IL5RA: variants seen among roughly 807,000 people sequenced by gnomAD.
IL5RA encodes interleukin 5 receptor subunit alpha.
IL5RA carries 49 observed loss-of-function variants against 50.0 expected under a neutral mutation model. That is an observed-to-expected ratio of 0.98 (90% CI 0.78 to 1.24). The LOEUF (loss-of-function observed/expected upper bound fraction) is 1.24. Ranked by LOEUF, IL5RA falls within the 50% of genes most tolerant of loss-of-function variation. The pLI, the probability that IL5RA is intolerant of heterozygous loss-of-function variation, is 0.00. For missense variants in IL5RA, 600 were observed against 500.4 expected (o/e 1.20, Z -1.90); for synonymous variants, 202 against 174.0 (o/e 1.16, Z -1.26).
At chr3:3,088,545 C>T (rs552195382) in intron 9 of IL5RA, among the ~76,000 whole-genome samples, 1 of 152,202 alleles carries the variant, frequency 6.6e-6, no homozygotes, top group Admixed American at 6.5e-5. Context: ...TAACATAGAG[C>T]TAGATGTTGG....
intron 7 of IL5RA, 113 bp downstream of exon 7, chr3:3,097,757 A>G (rs944712940): frequency 1.7e-6 from 2 of 1,168,228 alleles, no homozygotes; most frequent in Non-Finnish European, 2.4e-6. Flanking sequence ...CATGGGTCTG[A>G]TGCTTACTTG....
Position 3,067,028 on chromosome 3 carries a change from A to G in IL5RA, c.*3197T>C, listed in dbSNP as rs1039333446. The stretch of plus-strand genomic sequence containing the variant: ...ATGGCAAGAGATGGGAGCCAATATC[A>G]TGACTTTACCTTACATCAACCTGCT... On this transcript the variant is annotated 3_prime_UTR_variant, in exon 12 of 12. Coordinates refer to ENST00000446632, the MANE Select transcript of IL5RA (RefSeq NM_175726.4). 2.0e-5 allele frequency: 3 copies of G among 152,270 alleles called. No homozygotes were observed. Among genetic ancestry groups the G allele is most frequent in the Non-Finnish European group, 4.4e-5 (3 of 68,058 alleles). The allele number at this position is 152,270 out of a possible 1,614,324, so 9.4% of individuals were successfully genotyped here. A position where few individuals can be genotyped will look rare whatever the true frequency, so the allele number is the denominator to read the frequency against.
chr3:3,074,557 C>T (rs889221164), intron 11 of IL5RA, among the ~76,000 whole-genome samples: 1 of 152,096 alleles, frequency 6.6e-6, no homozygotes, highest in Non-Finnish European at 1.5e-5. Flanking sequence ...TCGCTTAGAC[C>T]CAGGTGTTTG....
At chr3:3,083,423 G>A (rs961707534) in intron 9 of IL5RA, among the ~76,000 whole-genome samples, 1 of 152,188 alleles carries the variant, frequency 6.6e-6, no homozygotes, top group Non-Finnish European at 1.5e-5. Context: ...CTGTGTATTT[G>A]TGTACGTGTG....
Position 3,073,771 on chromosome 3 carries a change from T to A in IL5RA, c.1176+1011A>T, listed in dbSNP as rs563303437. The A allele has an allele frequency of 1.4e-3, 606 of 448,468 alleles. 2 individuals are homozygous for A. Among genetic ancestry groups the A allele is most frequent in the Non-Finnish European group, 1.6e-3 (363 of 224,188 alleles). The allele number at this position is 448,468 out of a possible 1,614,324, so 27.8% of individuals were successfully genotyped here. Reference sequence around the variant, plus strand: ...AATCTCACCCCAAATCCCAGCTACCTTTTTTTGTAGAAAATTGTCAGCTGA... The same window carrying A: ...AATCTCACCCCAAATCCCAGCTACCATTTTTTGTAGAAAATTGTCAGCTGA... On this transcript the variant is annotated intron_variant, in intron 11 of 11. Coordinates refer to ENST00000446632, the MANE Select transcript of IL5RA (RefSeq NM_175726.4).
chr3:3,066,657 C>T lies in IL5RA; in HGVS notation c.*3568G>A, dbSNP rs1221648752. The T allele has an allele frequency of 6.6e-6, 1 of 152,182 alleles. No homozygotes were observed. Among genetic ancestry groups the T allele is most frequent in the African/African-American group, 2.4e-5 (1 of 41,436 alleles). The allele number at this position is 152,182 out of a possible 1,614,324, so 9.4% of individuals were successfully genotyped here. On this transcript the variant is annotated 3_prime_UTR_variant, in exon 12 of 12. Coordinates refer to ENST00000446632, the MANE Select transcript of IL5RA (RefSeq NM_175726.4). ...AGCACCTCAGGCTTCTTAATTCCAC[C>T]AGCAGATGGTCCTGACACATAGAAG...
intron 8 of IL5RA, among the ~76,000 whole-genome samples, chr3:3,094,955 G>T (rs17885297): frequency 4.6e-5 from 7 of 151,928 alleles, no homozygotes; most frequent in Non-Finnish European, 5.9e-5. Flanking sequence ...TTGAACTCCT[G>T]GTCTCAGGTG....
At chr3:3,099,359 T>C (rs934938709) in intron 5 of IL5RA, among the ~76,000 whole-genome samples, 2 of 152,080 alleles carry the variant, frequency 1.3e-5, no homozygotes, top group African/African-American at 4.8e-5. Flanking sequence ...TTAGGTGTGG[T>C]GGCATGCACC....
chr3:3,098,676 A>G (rs796457212), intron 5 of IL5RA, among the ~76,000 whole-genome samples: 19 of 152,304 alleles, frequency 1.2e-4, no homozygotes, highest in African/African-American at 4.6e-4. Context: ...AAGTGCTGGA[A>G]TTACAGGCAT....
At chr3:3,090,630 G>T (rs1297890330) in intron 9 of IL5RA, among the ~76,000 whole-genome samples, 1 of 145,138 alleles carries the variant, frequency 6.9e-6, no homozygotes, top group South Asian at 2.2e-4. Flanking sequence ...GCAGTGGTGC[G>T]ATCTCGGCTC....
intron 11 of IL5RA, among the ~76,000 whole-genome samples, chr3:3,071,155 A>G (rs867773655): frequency 3.2e-4 from 48 of 152,288 alleles, no homozygotes; most frequent in African/African-American, 1.1e-3. Context: ...ATTTTTTACT[A>G]TCTGCTCCAC....
chr3:3,096,498 A>T (rs1000369463), intron 7 of IL5RA, among the ~76,000 whole-genome samples: 2 of 152,158 alleles, frequency 1.3e-5, no homozygotes, highest in East Asian at 3.9e-4. Context: ...CACTGGCTTC[A>T]GAGCCTCCTA....
At chr3:3,079,755 G>T in intron 9 of IL5RA, among the ~76,000 whole-genome samples, 1 of 152,090 alleles carries the variant, frequency 6.6e-6, no homozygotes. Flanking sequence ...GCCTTTTTGG[G>T]CCGGGTGTGT....
At chr3:3,085,227 A>G (rs1702807528) in intron 9 of IL5RA, among the ~76,000 whole-genome samples, 1 of 152,224 alleles carries the variant, frequency 6.6e-6, no homozygotes, top group African/African-American at 2.4e-5. Context: ...AGGTAAGCCT[A>G]AGTGGGTCTT....
intron 9 of IL5RA, among the ~76,000 whole-genome samples, chr3:3,084,673 G>A (rs1160698071): frequency 6.6e-6 from 1 of 152,144 alleles, no homozygotes; most frequent in Admixed American, 6.5e-5. Context: ...ATAGCCCCCG[G>A]GGCAATGGAA....
rs60437913 is a variant in IL5RA at position 3,098,371 on chromosome 3, G to A, written c.368-81C>T. 7,454 of 1,247,106 alleles carry A rather than the reference G, an allele frequency of 6.0e-3. 145 individuals carry two copies. In the African/African-American group the frequency reaches 0.069, roughly 11 times the overall value. 77.3% of individuals were successfully genotyped at this position (1,247,106 alleles called of 1,614,324 possible). A position where few individuals can be genotyped will look rare whatever the true frequency, so the allele number is the denominator to read the frequency against. On this transcript the variant is annotated intron_variant, in intron 5 of 11. Coordinates refer to ENST00000446632, the MANE Select transcript of IL5RA (RefSeq NM_175726.4). ...ATGCTTCTTTTGGAACTATAGTGATGTGAACGTCGTATTCATCACCAAAAA... is the reference window on the plus strand; with the variant it reads ...ATGCTTCTTTTGGAACTATAGTGATATGAACGTCGTATTCATCACCAAAAA...
intron 9 of IL5RA, among the ~76,000 whole-genome samples, chr3:3,079,426 A>G (rs1452600824): frequency 1.3e-5 from 2 of 152,188 alleles, no homozygotes; most frequent in East Asian, 1.9e-4. Flanking sequence ...GACTCTTTCC[A>G]TCCTTTACAG....
Position 3,074,068 on chromosome 3 carries a change from T to C in IL5RA, c.1176+714A>G, listed in dbSNP as rs142701466. ...AAGGATGATTTACTCCAACAAATGATGCTGGAACAATTGGAGAGCCATAAC... is the reference window on the plus strand; with the variant it reads ...AAGGATGATTTACTCCAACAAATGACGCTGGAACAATTGGAGAGCCATAAC... On this transcript the variant is annotated intron_variant, in intron 11 of 11. Coordinates refer to ENST00000446632, the MANE Select transcript of IL5RA (RefSeq NM_175726.4). 3.9e-3 allele frequency among the ~76,000 whole-genome samples: 596 copies of C among 152,344 alleles called. 4 individuals carry two copies. The highest frequency in any genetic ancestry group is 0.013 in the African/African-American group (551 of 41,584).
At chr3:3,089,253 G>A (rs1702993608) in intron 9 of IL5RA, among the ~76,000 whole-genome samples, 1 of 152,192 alleles carries the variant, frequency 6.6e-6, no homozygotes, top group Non-Finnish European at 1.5e-5. Context: ...CTGTAAGGCT[G>A]AGCTGGTTGT....
Sources: gnomAD v4.1 joint callset for allele counts (sites outside exome capture counted in the v4.1 genomes callset) on GRCh38, gnomAD v4.1.1 for gene constraint, MANE v1.5 for transcripts, NCBI Gene and HGNC (gene_info 2026-07-23, HGNC 2026-07-21) for gene names.